The following DBF4 variants were observed in gnomAD, a reference collection of about 807,000 sequenced individuals.
The protein encoded by DBF4 is protein DBF4 homolog A.
DBF4 carries 25 observed loss-of-function variants against 76.6 expected under a neutral mutation model. The observed-to-expected ratio is 0.33, with a 90% CI of 0.24 to 0.46. The LOEUF (loss-of-function observed/expected upper bound fraction) is 0.46, where lower values mean the gene tolerates loss of function less well. Among genes scored for constraint, DBF4 ranks in the 20% least tolerant of loss-of-function variants. The pLI is 1.00. For missense variants in DBF4, 638 were observed against 760.8 expected, an observed-to-expected ratio of 0.84 and a Z score of 1.90; for synonymous variants, 213 against 258.0, an observed-to-expected ratio of 0.83 and a Z score of 1.67.
At chr7:87,885,252 G>T in intron 3 of DBF4, 94 bp downstream of exon 3, 1 of 1,112,230 alleles carries the variant, frequency 9.0e-7, no homozygotes, top group East Asian at 2.5e-5. Flanking sequence ...GTTTACTTAT[G>T]TAGAACATTT....
chr7:87,905,886 GCAGGGTGTCTCA>G (rs1270176412), intron 11 of DBF4, among the ~76,000 whole-genome samples: 1 of 151,736 alleles, frequency 6.6e-6, no homozygotes, highest in Non-Finnish European at 1.5e-5. Flanking sequence ...CTGTGCCCAG[GCAGGGTGTCTCA>G]CACCTGTGGT....
At chr7:87,884,196 G>T (rs1839287136) in intron 2 of DBF4, among the ~76,000 whole-genome samples, 1 of 152,114 alleles carries the variant, frequency 6.6e-6, no homozygotes, top group African/African-American at 2.4e-5. Flanking sequence ...GTGATATGTG[G>T]CTATTAAATT....
At position 87,908,359 on chromosome 7, in the gene DBF4, T is replaced by C; in HGVS notation, c.*196T>C. The C allele has an allele frequency of 2.2e-6, 1 of 449,556 alleles. No individual in the cohort carries two copies. The highest frequency in any genetic ancestry group is 4.1e-5 in the Admixed American group (1 of 24,462). The allele number at this position is 449,556 out of a possible 1,614,324, so 27.8% of individuals were successfully genotyped here. A position where few individuals can be genotyped will look rare whatever the true frequency, so the allele number is the denominator to read the frequency against. On this transcript the variant is annotated 3_prime_UTR_variant, in exon 12 of 12. Coordinates refer to ENST00000265728, the MANE Select transcript of DBF4 (RefSeq NM_006716.4). ...AAAAATTACAGAATAAACTTGTGAC[T>C]GGTCTTGTTTTACATTATATATATG...
At chr7:87,899,922 G>A (rs920469628) in intron 8 of DBF4, among the ~76,000 whole-genome samples, 7 of 152,054 alleles carry the variant, frequency 4.6e-5, no homozygotes, top group East Asian at 3.8e-4. Flanking sequence ...ATGAAAATAC[G>A]TCATCTTACA....
intron 5 of DBF4, 163 bp from the exon 6 acceptor site, chr7:87,887,820 G>A (rs28627774): frequency 0.071 from 46,872 of 660,534 alleles, 1,983 homozygotes; most frequent in African/African-American, 0.15. Context: ...CACACTGGGG[G>A]TTAAATTTCA....
chr7:87,876,830 T>A, intron 1 of DBF4, 52 bp downstream of exon 1: 1 of 1,595,092 alleles, frequency 6.3e-7, no homozygotes, highest in Non-Finnish European at 8.6e-7. Context: ...CCTCCCCTCG[T>A]GGTTCCACCA....
intron 11 of DBF4, 152 bp downstream of exon 11, chr7:87,904,568 C>T: frequency 4.4e-6 from 4 of 909,312 alleles, no homozygotes; most frequent in South Asian, 1.7e-5. Flanking sequence ...GGCAAAACCC[C>T]ATCTCTACTA....
chr7:87,901,849 G>A (rs1187275589), intron 10 of DBF4, among the ~76,000 whole-genome samples: 1 of 152,120 alleles, frequency 6.6e-6, no homozygotes, highest in Non-Finnish European at 1.5e-5. Context: ...GTTCGGTTTT[G>A]GTAGAAGATG....
At chr7:87,893,881 GT>G (rs141893717) in intron 6 of DBF4, among the ~76,000 whole-genome samples, 4,850 of 152,030 alleles carry the variant, frequency 0.032, 120 homozygotes, top group Middle Eastern at 0.065. Context: ...TTTTATTTCT[GT>G]TTCCCCCTTT....
chr7:87,895,153 A>G (rs1299133745), intron 6 of DBF4, among the ~76,000 whole-genome samples: 2 of 152,034 alleles, frequency 1.3e-5, no homozygotes, highest in African/African-American at 4.8e-5. Context: ...ATGTTCTGCT[A>G]TTGAGCTTAT....
intron 10 of DBF4, among the ~76,000 whole-genome samples, chr7:87,903,390 T>C (rs1839836690): frequency 6.6e-6 from 1 of 152,222 alleles, no homozygotes; most frequent in East Asian, 1.9e-4. Flanking sequence ...TTTTGACTGC[T>C]CTTAAGAATG....
chr7:87,903,884 T>G (rs1366107450), intron 10 of DBF4, among the ~76,000 whole-genome samples: 1 of 151,808 alleles, frequency 6.6e-6, no homozygotes, highest in African/African-American at 2.4e-5. Context: ...TTAGTAGAGA[T>G]AGGGTTTCAC....
chr7:87,894,849 T>C (rs1462730341), intron 6 of DBF4, among the ~76,000 whole-genome samples: 3 of 152,208 alleles, frequency 2.0e-5, no homozygotes, highest in African/African-American at 7.2e-5. Context: ...TTCTTTATCT[T>C]TGGTTTCAGA....
intron 8 of DBF4, among the ~76,000 whole-genome samples, chr7:87,898,114 T>A (rs1234054840): frequency 6.6e-6 from 1 of 152,224 alleles, no homozygotes; most frequent in Admixed American, 6.5e-5. Flanking sequence ...CAGATATAAA[T>A]AGGCCTGCCA....
Position 87,886,826 on chromosome 7 carries a change from T to C in DBF4, c.400-18T>C, listed in dbSNP as rs1356760344. The C allele has an allele frequency of 6.7e-7, 1 of 1,492,158 alleles. No individual in the cohort carries two copies. Among genetic ancestry groups the C allele is most frequent in the South Asian group, 1.2e-5 (1 of 84,990 alleles). The allele number at this position is 1,492,158 out of a possible 1,614,324, so 92.4% of individuals were successfully genotyped here. A position where few individuals can be genotyped will look rare whatever the true frequency, so the allele number is the denominator to read the frequency against. On this transcript the variant is annotated intron_variant, in intron 3 of 11. Transcript: ENST00000265728. ...CCAGTTAAGCACTATGTTTTAAATT[T>C]TTCTGGTCTTTTTATAGGTGTGTTT...
chr7:87,894,809 C>A (rs1839592628), intron 6 of DBF4, among the ~76,000 whole-genome samples: 1 of 152,170 alleles, frequency 6.6e-6, no homozygotes, highest in Admixed American at 6.5e-5. Context: ...TCTACTGTAT[C>A]ATTTTTCTCT....
chr7:87,903,689 C>CTTTTTTTT (rs56740998), intron 10 of DBF4, among the ~76,000 whole-genome samples: 4 of 98,106 alleles, frequency 4.1e-5, no homozygotes, highest in South Asian at 3.4e-4. Context: ...CTCTGTATCC[C>CTTTTTTTT]TTTTTTTTTT....
intron 6 of DBF4, among the ~76,000 whole-genome samples, chr7:87,894,847 CTT>C (rs1312124692): frequency 6.6e-6 from 1 of 152,020 alleles, no homozygotes; most frequent in Non-Finnish European, 1.5e-5. Context: ...TTTTCTTTAT[CTT>C]TGGTTTCAGA....
At chr7:87,887,928 G>A (rs1839399055) in intron 5 of DBF4, 55 bp from the exon 6 acceptor site, 7 of 1,427,914 alleles carry the variant, frequency 4.9e-6, no homozygotes, top group Non-Finnish European at 5.7e-6. Flanking sequence ...AAATATCACT[G>A]TTTAACTCCA....
Sources: gnomAD v4.1 joint callset for allele counts (sites outside exome capture counted in the v4.1 genomes callset) on GRCh38, gnomAD v4.1.1 for gene constraint, MANE v1.5 for transcripts, NCBI Gene and HGNC (gene_info 2026-07-23, HGNC 2026-07-21) for gene names.